Variants in CDH7 observed in about 807,000 individuals in gnomAD.
CDH7 encodes the protein cadherin-7.
In CDH7, 25 loss-of-function variants were observed where a neutral mutation model predicts 71.8. The ratio of observed to expected loss-of-function variants is 0.35; its 90% CI spans 0.25 to 0.49. CDH7 has a LOEUF of 0.49. Ranked by LOEUF, CDH7 falls within the 20% of genes least tolerant of loss-of-function variation. The probability of loss-of-function intolerance (pLI) is 0.99; values close to 1 mark genes in which losing one functional copy is unlikely to be tolerated. For missense variants in CDH7, 862 were observed against 974.6 expected, an observed-to-expected ratio of 0.88 and a Z score of 1.54; for synonymous variants, 381 against 363.8, an observed-to-expected ratio of 1.05 and a Z score of -0.54.
intron 6 of CDH7, among the ~76,000 whole-genome samples, chr18:65,828,673 T>C (rs1280670759): frequency 1.3e-5 from 2 of 152,156 alleles, no homozygotes; most frequent in Admixed American, 1.3e-4. Context: ...TCGGTGGTGG[T>C]TCTCCTAACC....
intron 4 of CDH7, among the ~76,000 whole-genome samples, chr18:65,819,174 C>T (rs1029420679): frequency 1.3e-5 from 2 of 152,118 alleles, no homozygotes; most frequent in Non-Finnish European, 2.9e-5. Context: ...CACCTGTCTC[C>T]GTTGCAATGA....
chr18:65,828,261 G>C (rs1912204876), intron 6 of CDH7, among the ~76,000 whole-genome samples: 1 of 152,010 alleles, frequency 6.6e-6, no homozygotes, highest in Non-Finnish European at 1.5e-5. Context: ...AAAAATAGTG[G>C]AAATGATACA....
intron 2 of CDH7, among the ~76,000 whole-genome samples, chr18:65,799,593 G>A (rs531106752): frequency 2.2e-4 from 34 of 152,036 alleles, no homozygotes; most frequent in African/African-American, 7.2e-4. Context: ...GGAGAATGAC[G>A]TGAACCCAGG....
chr18:65,822,693 T>C (rs946260402), intron 5 of CDH7, among the ~76,000 whole-genome samples: 5 of 152,052 alleles, frequency 3.3e-5, no homozygotes, highest in Admixed American at 6.6e-5. Context: ...TGTTTTCATT[T>C]TATCATTTCA....
Position 65,848,021 on chromosome 18 carries a change from C to T in CDH7, c.1235+3956C>T, listed in dbSNP as rs138258465. Among the ~76,000 whole-genome samples, 398 of 151,920 alleles carry T rather than the reference C, an allele frequency of 2.6e-3. 3 individuals are homozygous for T. Among genetic ancestry groups the T allele is most frequent in the African/African-American group, 6.8e-3 (281 of 41,420 alleles). ...GGGTAATTGAGGGCAAGCACGTTTCCGGCTTGTTATTTGATAAGTAGCTGT... is the reference window on the plus strand; with the variant it reads ...GGGTAATTGAGGGCAAGCACGTTTCTGGCTTGTTATTTGATAAGTAGCTGT... On this transcript the variant is annotated intron_variant, in intron 7 of 11. Transcript: ENST00000397968.
At chr18:65,844,174 G>GATTTATTTATATATATAT (rs71167157) in intron 7 of CDH7, 109 bp downstream of exon 7, 1 of 222,152 alleles carries the variant, frequency 4.5e-6, no homozygotes, top group East Asian at 7.1e-5. Flanking sequence ...ATAAAAACCA[G>GATTTATTTATATATATAT]ATATATATAT....
At chr18:65,860,991 G>T (rs1162605814) in intron 10 of CDH7, among the ~76,000 whole-genome samples, 1 of 152,150 alleles carries the variant, frequency 6.6e-6, no homozygotes, top group African/African-American at 2.4e-5. Flanking sequence ...ATAATTCTCA[G>T]CATTTAGGTT....
rs139282902 is a variant in CDH7 at position 65,839,445 on chromosome 18, C to G, written c.982-4367C>G. On this transcript the variant is annotated intron_variant, in intron 6 of 11. Transcript: ENST00000397968. ...ATACCACTCATGAGGGATCCACACT[C>G]AAAAGCTAATTAAATCCCACAGGTC... 9.9e-5 allele frequency among the ~76,000 whole-genome samples: 15 copies of G among 152,224 alleles called. No individual in the cohort carries two copies. The East Asian group carries it at 2.5e-3, about 25-fold the overall frequency.
chr18:65,775,721 A>AGAGCCGTGCTGGGCTGCATTCT (rs1909913635), intron 2 of CDH7, among the ~76,000 whole-genome samples: 1 of 152,194 alleles, frequency 6.6e-6, no homozygotes, highest in African/African-American at 2.4e-5. Context: ...GGCTGCATTC[A>AGAGCCGTGCTGGGCTGCATTCT]GAGCCATCCT....
intron 2 of CDH7, among the ~76,000 whole-genome samples, chr18:65,774,804 A>C (rs1380657984): frequency 6.6e-6 from 1 of 152,094 alleles, no homozygotes; most frequent in Non-Finnish European, 1.5e-5. Context: ...CCATCTCTCT[A>C]ATTCCCTTGA....
In CDH7 at chr18:65,809,982, C is replaced by A. The variant is rs7235166; in HGVS notation, c.489C>A (p.Pro163=). The change falls in exon 3 of 12, where the codon CCC becomes CCA. Residue 163 remains proline (P), a synonymous_variant. Coordinates refer to ENST00000397968, the MANE Select transcript of CDH7 (RefSeq NM_004361.5). ...FLDGPYTAGV[P]EMSPVGTSVV... The stretch of plus-strand genomic sequence containing the variant: ...ATGGCCCATACACGGCAGGAGTTCC[C>A]GAAATGTCTCCCGTGGGTAAGTAAA... 3.1e-6 allele frequency: 5 copies of A among 1,609,534 alleles called. No homozygotes were observed. In the African/African-American group the frequency reaches 4.0e-5, roughly 13 times the overall value.
chr18:65,823,565 T>C (rs940878119), intron 5 of CDH7, among the ~76,000 whole-genome samples: 2 of 151,880 alleles, frequency 1.3e-5, no homozygotes, highest in Non-Finnish European at 2.9e-5. Flanking sequence ...AGTTTAACCC[T>C]GACATTTTGG....
At chr18:65,830,484 T>G (rs1356032672) in intron 6 of CDH7, among the ~76,000 whole-genome samples, 1 of 152,086 alleles carries the variant, frequency 6.6e-6, no homozygotes, top group Non-Finnish European at 1.5e-5. Context: ...ATTCAAATTG[T>G]TATTACTTTC....
chr18:65,856,526 C>T (rs1913362184), intron 7 of CDH7, among the ~76,000 whole-genome samples: 1 of 151,946 alleles, frequency 6.6e-6, no homozygotes. Flanking sequence ...CACAGTAATG[C>T]ATATATTAGA....
chr18:65,783,114 A>G (rs1300416103), intron 2 of CDH7, among the ~76,000 whole-genome samples: 1 of 152,196 alleles, frequency 6.6e-6, no homozygotes, highest in African/African-American at 2.4e-5. Flanking sequence ...ACAGATAAAT[A>G]CATTTTATTG....
intron 2 of CDH7, among the ~76,000 whole-genome samples, chr18:65,773,385 G>GTT (rs1916603213): frequency 6.6e-6 from 1 of 152,098 alleles, no homozygotes; most frequent in South Asian, 2.1e-4. Context: ...TAATATTAGA[G>GTT]TGTCTTGGGC....
chr18:65,875,177 C>A (rs143116700), intron 11 of CDH7, among the ~76,000 whole-genome samples: 1 of 152,124 alleles, frequency 6.6e-6, no homozygotes, highest in Non-Finnish European at 1.5e-5. Context: ...ATTGGACACC[C>A]CTGCTGTAGA....
intron 6 of CDH7, among the ~76,000 whole-genome samples, chr18:65,825,201 CT>C (rs1239217144): frequency 4.6e-5 from 7 of 151,878 alleles, no homozygotes; most frequent in Admixed American, 4.6e-4. Flanking sequence ...ACAACAGATG[CT>C]ATTATTTTCT....
rs758817720 is a variant in CDH7, at chr18:65,843,771, T to C, written c.982-41T>C. 3.4e-6 allele frequency: 5 copies of C among 1,468,136 alleles called. No individual in the cohort carries two copies. The South Asian group carries it at 5.8e-5, about 17-fold the overall frequency. 90.9% of individuals were successfully genotyped at this position (1,468,136 alleles called of 1,614,324 possible). A position where few individuals can be genotyped will look rare whatever the true frequency, so the allele number is the denominator to read the frequency against. On this transcript the variant is annotated intron_variant, in intron 6 of 11. Coordinates refer to ENST00000397968, the MANE Select transcript of CDH7 (RefSeq NM_004361.5). Reference sequence around the variant, plus strand: ...TGAAAAGGCTCTGCTTTGCTGACTGTTTAACCGGTAATTTAATTTTCCTAA... The same window carrying C: ...TGAAAAGGCTCTGCTTTGCTGACTGCTTAACCGGTAATTTAATTTTCCTAA...
Sources: allele counts gnomAD v4.1 joint callset (sites outside exome capture counted in the v4.1 genomes callset), GRCh38; gene constraint gnomAD v4.1.1; transcripts MANE v1.5; gene names NCBI Gene and HGNC (gene_info 2026-07-23, HGNC 2026-07-21).